The following SEMA4D variants were observed in gnomAD, a reference collection of about 807,000 sequenced individuals.
SEMA4D encodes semaphorin 4D, also known as semaphorin-4D.
Under a neutral mutation model 74.8 loss-of-function variants are expected in SEMA4D, and 22 were observed. That is an observed-to-expected ratio of 0.29 (90% CI 0.21 to 0.42). The LOEUF (loss-of-function observed/expected upper bound fraction) is 0.42. Among genes scored for constraint, SEMA4D ranks in the 10% least tolerant of loss-of-function variants. SEMA4D has a pLI of 1.00. For synonymous variants in SEMA4D, 445 were observed against 463.7 expected (o/e 0.96, Z 0.52); for missense variants, 937 against 1,118.4 (o/e 0.84, Z 2.31).
chr9:89,481,463 G>C (rs572310843), intron 1 of SEMA4D, among the ~76,000 whole-genome samples: 78 of 152,342 alleles, frequency 5.1e-4, no homozygotes, highest in Admixed American at 8.5e-4. Flanking sequence ...ATAAGAACTG[G>C]AGGGCCCTTG....
In SEMA4D at chr9:89,363,512, T is replaced by C. The variant is rs911870147; in HGVS notation, c.2108A>G (p.Glu703Gly). Residue 703 changes from glutamate to glycine, a missense_variant, in exon 18 of 19, where the codon GAG becomes GGG. Physicochemically the swap from Glu to Gly is moderately conservative, Grantham distance 98 (BLOSUM62 -2). Coordinates refer to the SEMA4D transcript ENST00000339861. Reference sequence around the variant, plus strand: ...GGCAGAGAGCTCTCTGGTCCACCTCTCCTGGTGGGTCACTTCTGGAAAACA... The same window carrying C: ...GGCAGAGAGCTCTCTGGTCCACCTCCCCTGGTGGGTCACTTCTGGAAAACA... 5 of 1,614,040 alleles carry C rather than the reference T, an allele frequency of 3.1e-6. No individual in the cohort carries two copies. In the East Asian group the frequency reaches 6.7e-5, roughly 22 times the overall value.
chr9:89,437,461 G>GTGGCC (rs1293879055), intron 2 of SEMA4D, among the ~76,000 whole-genome samples: 1 of 152,196 alleles, frequency 6.6e-6, no homozygotes, highest in Non-Finnish European at 1.5e-5. Context: ...CACTGCAGGT[G>GTGGCC]TGGCCTCCAG....
intron 1 of SEMA4D, among the ~76,000 whole-genome samples, chr9:89,460,094 T>G (rs768493276): frequency 3.3e-5 from 5 of 152,192 alleles, no homozygotes; most frequent in Non-Finnish European, 5.9e-5. Flanking sequence ...CTGTGCCTCT[T>G]GATGGCCAGT....
chr9:89,488,031 C>T (rs997881376), intron 1 of SEMA4D, among the ~76,000 whole-genome samples: 1 of 152,170 alleles, frequency 6.6e-6, no homozygotes, highest in Non-Finnish European at 1.5e-5. Context: ...GGATCTAGAA[C>T]CGACACTACA....
chr9:89,414,206 G>C (rs1845185581), intron 2 of SEMA4D, among the ~76,000 whole-genome samples: 1 of 152,204 alleles, frequency 6.6e-6, no homozygotes, highest in South Asian at 2.1e-4. Flanking sequence ...TGGCATCCCA[G>C]GGAAACTGAA....
chr9:89,471,288 T>C (rs1490985441), intron 1 of SEMA4D, among the ~76,000 whole-genome samples: 1 of 152,178 alleles, frequency 6.6e-6, no homozygotes, highest in Admixed American at 6.5e-5. Context: ...AGGGTGGTGA[T>C]GGCTGCCCAA....
rs142556949 is a variant in SEMA4D, at chr9:89,445,997, C to T, written c.-244+9891G>A. The stretch of plus-strand genomic sequence containing the variant: ...TGTCCCGGACCCCCTCCCTTCCAGG[C>T]CCTGCCATGTGTTCTATCCCTGCAG... On this transcript the variant is annotated intron_variant, in intron 2 of 15. Transcript: ENST00000422704. 1.7e-3 allele frequency among the ~76,000 whole-genome samples: 255 copies of T among 152,312 alleles called. 2 individuals are homozygous for T. The highest frequency in any genetic ancestry group is 5.8e-3 in the African/African-American group (243 of 41,562).
At chr9:89,417,105 A>T (rs1001491548) in intron 2 of SEMA4D, among the ~76,000 whole-genome samples, 10 of 152,204 alleles carry the variant, frequency 6.6e-5, no homozygotes, top group African/African-American at 1.4e-4. Context: ...CCTGCTTTCA[A>T]TTACCTTATA....
intron 15 of SEMA4D, among the ~76,000 whole-genome samples, chr9:89,380,205 G>C (rs1443822393): frequency 6.6e-6 from 1 of 151,904 alleles, no homozygotes; most frequent in Admixed American, 6.6e-5. Flanking sequence ...GCTAATTTTT[G>C]TATTTTTTGT....
chr9:89,405,897 G>A (rs558006916), intron 2 of SEMA4D, 198 bp from the exon 3 acceptor site: 4 of 1,214,246 alleles, frequency 3.3e-6, no homozygotes, highest in Non-Finnish European at 4.1e-6. Flanking sequence ...GGGTCTTCAG[G>A]AGTCAGTGCT....
At chr9:89,429,720 C>A (rs796248665) in intron 2 of SEMA4D, among the ~76,000 whole-genome samples, 1 of 152,154 alleles carries the variant, frequency 6.6e-6, no homozygotes, top group Admixed American at 6.6e-5. Context: ...TCCAGAAGCC[C>A]GGGAAGCATG....
intron 2 of SEMA4D, among the ~76,000 whole-genome samples, chr9:89,407,077 C>G (rs1015407111): frequency 6.6e-6 from 1 of 152,128 alleles, no homozygotes; most frequent in Non-Finnish European, 1.5e-5. Context: ...ACCTCTCATC[C>G]TGGCCTCTTG....
chr9:89,486,750 CAA>C (rs1825228990), intron 1 of SEMA4D, among the ~76,000 whole-genome samples: 1 of 152,032 alleles, frequency 6.6e-6, no homozygotes, highest in South Asian at 2.1e-4. Flanking sequence ...TGCTAAAATT[CAA>C]AAAAATTAGC....
chr9:89,490,991 AATCCTGGTCTAT>A (rs1825580649), intron 1 of SEMA4D, among the ~76,000 whole-genome samples: 1 of 152,232 alleles, frequency 6.6e-6, no homozygotes, highest in African/African-American at 2.4e-5. Context: ...AAGCTTACCA[AATCCTGGTCTAT>A]ATCCTGATTA....
chr9:89,373,649 T>G (rs559651628), downstream of SEMA4D, among the ~76,000 whole-genome samples: 5 of 152,300 alleles, frequency 3.3e-5, no homozygotes, highest in South Asian at 1.0e-3. Context: ...CAAACCACTG[T>G]GACAGCTACC....
At chr9:89,433,580 C>T (rs185591329) in intron 2 of SEMA4D, among the ~76,000 whole-genome samples, 2 of 152,356 alleles carry the variant, frequency 1.3e-5, no homozygotes, top group African/African-American at 4.8e-5. Context: ...ATGCATCCAA[C>T]TCTTGGCATT....
At chr9:89,364,080 C>A (rs1439114980) in intron 16 of SEMA4D, 6 of 1,569,752 alleles carry the variant, frequency 3.8e-6, no homozygotes, top group Non-Finnish European at 3.5e-6. Flanking sequence ...ACTTCCAATT[C>A]AGTCCCTGGG....
At chr9:89,389,206 T>C (rs1026007861) in intron 9 of SEMA4D, among the ~76,000 whole-genome samples, 159 bp from the exon 10 acceptor site, 13 of 152,048 alleles carry the variant, frequency 8.5e-5, no homozygotes, top group Admixed American at 7.2e-4. Flanking sequence ...ATTATGTGAG[T>C]GGCCCGCAGC....
At chr9:89,491,661 G>A (rs1216084509) in intron 1 of SEMA4D, among the ~76,000 whole-genome samples, 3 of 152,158 alleles carry the variant, frequency 2.0e-5, no homozygotes, top group African/African-American at 7.2e-5. Context: ...TTTCCCAGGG[G>A]TGCAATGCCG....
Sources: allele counts gnomAD v4.1 joint callset (sites outside exome capture counted in the v4.1 genomes callset), GRCh38; gene constraint gnomAD v4.1.1; transcripts MANE v1.5; gene names NCBI Gene and HGNC (gene_info 2026-07-23, HGNC 2026-07-21).